MIER1: variants seen among roughly 807,000 people sequenced by gnomAD.
The protein encoded by MIER1 is mesoderm induction early response protein 1.
MIER1 carries 40 observed loss-of-function variants against 75.7 expected under a neutral mutation model. That is an observed-to-expected ratio of 0.53 (90% CI 0.41 to 0.69). The LOEUF is 0.69. MIER1 is among the 30% of genes least tolerant of loss of function. The pLI is 0.00. For synonymous variants in MIER1, 213 were observed against 223.4 expected (o/e 0.95, Z 0.42); for missense variants, 574 against 680.2 (o/e 0.84, Z 1.74).
At chr1:66,951,088 A>G (rs1309533766) in intron 4 of MIER1, among the ~76,000 whole-genome samples, 1 of 152,130 alleles carries the variant, frequency 6.6e-6, no homozygotes, top group Non-Finnish European at 1.5e-5. Flanking sequence ...TAGGAGTTGG[A>G]TGCCACTCCA....
intron 12 of MIER1, among the ~76,000 whole-genome samples, chr1:66,981,531 G>C (rs1007965402): frequency 2.0e-5 from 3 of 152,078 alleles, no homozygotes; most frequent in Non-Finnish European, 4.4e-5. Context: ...AACTTTACAA[G>C]CTTTAAAATT....
Position 66,985,885 on chromosome 1 carries a change from TGATG to T in MIER1, c.*986_*989del, listed in dbSNP as rs992450892. 4.2e-6 allele frequency: 4 copies of T among 945,516 alleles called. No homozygotes were observed. Among genetic ancestry groups the T allele is most frequent in the Non-Finnish European group, 3.8e-6 (3 of 793,976 alleles). 58.6% of individuals were successfully genotyped at this position (945,516 alleles called of 1,614,324 possible). ...AATTTGAGAATTCTGAAATTAAGCA[TGATG>T]CTTAGATTGCAGTTTGTTTTGCATT... On this transcript the variant is annotated 3_prime_UTR_variant, in exon 14 of 14. Coordinates refer to ENST00000401041, the MANE Select transcript of MIER1 (RefSeq NM_001077700.3).
intron 13 of MIER1, among the ~76,000 whole-genome samples, chr1:66,983,889 C>T (rs763723794): frequency 2.0e-5 from 3 of 152,152 alleles, no homozygotes; most frequent in Non-Finnish European, 4.4e-5. Context: ...CCACTCCTGG[C>T]TAATTTTTGT....
At chr1:66,966,601 G>A (rs573560990) in intron 8 of MIER1, among the ~76,000 whole-genome samples, 2 of 152,312 alleles carry the variant, frequency 1.3e-5, no homozygotes, top group South Asian at 4.1e-4. Context: ...GGTCCTTGAG[G>A]AATCGCCACA....
At chr1:66,969,652 G>A (rs1663205939) in intron 8 of MIER1, among the ~76,000 whole-genome samples, 1 of 149,148 alleles carries the variant, frequency 6.7e-6, no homozygotes, top group Middle Eastern at 3.5e-3. Context: ...GACGCTGTTA[G>A]TTATTCTTTG....
At chr1:66,948,683 T>A (rs143086845) in intron 4 of MIER1, among the ~76,000 whole-genome samples, 1 of 152,294 alleles carries the variant, frequency 6.6e-6, no homozygotes, top group Non-Finnish European at 1.5e-5. Flanking sequence ...ACTTGAGGCC[T>A]GGAGGTCAAG....
chr1:66,978,919 CTG>C (rs1665315861), intron 12 of MIER1, among the ~76,000 whole-genome samples: 2 of 152,176 alleles, frequency 1.3e-5, no homozygotes, highest in African/African-American at 4.8e-5. Context: ...ATACTTTTAT[CTG>C]TAACTTTAAT....
At position 66,985,981 on chromosome 1, in the gene MIER1, A is replaced by G; in HGVS notation, c.*1081A>G. On this transcript the variant is annotated 3_prime_UTR_variant, in exon 14 of 14. Coordinates refer to ENST00000401041, the MANE Select transcript of MIER1 (RefSeq NM_001077700.3). ...TTAATGTCAGCTTAAGTGCTTAAAT[A>G]TATCATGCTGACCAGAATCCTGTTA... The G allele has an allele frequency of 5.1e-6, 5 of 986,900 alleles. No individual in the cohort carries two copies. The highest frequency in any genetic ancestry group is 6.0e-6 in the Non-Finnish European group (5 of 830,772). The allele number at this position is 986,900 out of a possible 1,614,324, so 61.1% of individuals were successfully genotyped here. A position where few individuals can be genotyped will look rare whatever the true frequency, so the allele number is the denominator to read the frequency against.
At chr1:66,961,932 G>A (rs1036297927) in intron 7 of MIER1, among the ~76,000 whole-genome samples, 1 of 152,164 alleles carries the variant, frequency 6.6e-6, no homozygotes, top group Non-Finnish European at 1.5e-5. Context: ...CATAAAGCAC[G>A]TCTTTGAAGT....
rs1381715472 is a variant in MIER1, at chr1:66,986,204, C to T, written c.*1304C>T. The T allele has an allele frequency of 1.6e-6, 2 of 1,250,426 alleles. No individual in the cohort carries two copies. Among genetic ancestry groups the T allele is most frequent in the Non-Finnish European group, 1.0e-6 (1 of 998,246 alleles). The allele number at this position is 1,250,426 out of a possible 1,614,324, so 77.5% of individuals were successfully genotyped here. A position where few individuals can be genotyped will look rare whatever the true frequency, so the allele number is the denominator to read the frequency against. ...ATTTTTCAGATTTGATAATGCTTTTCCAAAGTGAAAATAAGATACACAATA... is the reference window on the plus strand; with the variant it reads ...ATTTTTCAGATTTGATAATGCTTTTTCAAAGTGAAAATAAGATACACAATA... On this transcript the variant is annotated 3_prime_UTR_variant, in exon 14 of 14. Coordinates refer to ENST00000401041, the MANE Select transcript of MIER1 (RefSeq NM_001077700.3).
At chr1:66,939,367 G>A (rs2985823) in intron 2 of MIER1, among the ~76,000 whole-genome samples, 12,222 of 152,104 alleles carry the variant, frequency 0.08, 650 homozygotes, top group African/African-American at 0.15. Context: ...ATGACAGGTA[G>A]AATGGTGGAG....
intron 12 of MIER1, among the ~76,000 whole-genome samples, chr1:66,981,350 C>CA (rs917995969): frequency 3.3e-5 from 5 of 152,208 alleles, no homozygotes; most frequent in Admixed American, 6.5e-5. Context: ...AGGAGGTAAT[C>CA]AGTCCTTTTT....
At chr1:66,964,497 G>C (rs1436601093) in intron 8 of MIER1, among the ~76,000 whole-genome samples, 1 of 146,140 alleles carries the variant, frequency 6.8e-6, no homozygotes, top group Non-Finnish European at 1.5e-5. Context: ...TTGTTGCCCA[G>C]GCTGGAGTGC....
At chr1:66,959,105 T>A in intron 6 of MIER1, 122 bp downstream of exon 6, 1 of 798,704 alleles carries the variant, frequency 1.3e-6, no homozygotes, top group Non-Finnish European at 2.0e-6. Flanking sequence ...CAACAGTAAA[T>A]GGATTTTGTT....
chr1:66,962,379 T>C (rs1186553785), intron 7 of MIER1, among the ~76,000 whole-genome samples: 1 of 152,216 alleles, frequency 6.6e-6, no homozygotes, highest in Non-Finnish European at 1.5e-5. Context: ...ACCCTTTTTG[T>C]TATTTTTCCT....
intron 3 of MIER1, among the ~76,000 whole-genome samples, chr1:66,940,447 C>T (rs1655954861): frequency 6.6e-6 from 1 of 151,260 alleles, no homozygotes; most frequent in Non-Finnish European, 1.5e-5. Context: ...ATTGTTAGTG[C>T]ATTACAGAGG....
chr1:66,940,838 T>C (rs1205778776), intron 3 of MIER1, among the ~76,000 whole-genome samples: 1 of 152,176 alleles, frequency 6.6e-6, no homozygotes, highest in Admixed American at 6.5e-5. Context: ...TACTAGTCTT[T>C]TATCCTCAGT....
At chr1:66,930,457 C>A (rs1387575764) in intron 2 of MIER1, 10 of 1,584,774 alleles carry the variant, frequency 6.3e-6, no homozygotes, top group Admixed American at 1.7e-5. Flanking sequence ...GGCCCTGGGC[C>A]GGGGAGGAGT....
rs370747367 is a variant in MIER1 at position 66,958,235 on chromosome 1, A to G, written c.501+15A>G. Reference sequence around the variant, plus strand: ...GGGAAAATAAAGTAAGTCTATATACATATATTTAAGATTGTAGTCTTTATT... The same window carrying G: ...GGGAAAATAAAGTAAGTCTATATACGTATATTTAAGATTGTAGTCTTTATT... On this transcript the variant is annotated intron_variant, in intron 5 of 13. Coordinates refer to ENST00000401041, the MANE Select transcript of MIER1 (RefSeq NM_001077700.3). The G allele has an allele frequency of 1.4e-5, 22 of 1,572,402 alleles. No individual in the cohort carries two copies. The African/African-American group carries it at 2.6e-4, about 18-fold the overall frequency.
Sources: allele counts gnomAD v4.1 joint callset (sites outside exome capture counted in the v4.1 genomes callset), GRCh38; gene constraint gnomAD v4.1.1; transcripts MANE v1.5; gene names NCBI Gene and HGNC (gene_info 2026-07-23, HGNC 2026-07-21).